Variants in TSPAN14 observed in about 807,000 individuals in gnomAD.
The protein encoded by TSPAN14 is tetraspanin-14.
Under a neutral mutation model 36.6 loss-of-function variants are expected in TSPAN14, and 16 were observed. That is an observed-to-expected ratio of 0.44 (90% CI 0.30 to 0.66). The LOEUF is 0.66. Among genes scored for constraint, TSPAN14 ranks in the 30% least tolerant of loss-of-function variants. The probability of loss-of-function intolerance (pLI) is 0.12; values close to 1 mark genes in which losing one functional copy is unlikely to be tolerated. For synonymous variants in TSPAN14, 139 were observed against 143.8 expected, an observed-to-expected ratio of 0.97 and a Z score of 0.24; for missense variants, 231 against 355.1, an observed-to-expected ratio of 0.65 and a Z score of 2.81.
chr10:80,482,804 C>T (rs1233835329), intron 1 of TSPAN14, among the ~76,000 whole-genome samples: 2 of 144,436 alleles, frequency 1.4e-5, no homozygotes, highest in African/African-American at 2.6e-5. Flanking sequence ...GGCACGATCT[C>T]GGCTCACTGC....
chr10:80,508,346 C>T (rs897315432), intron 4 of TSPAN14, among the ~76,000 whole-genome samples: 3 of 152,172 alleles, frequency 2.0e-5, no homozygotes, highest in African/African-American at 7.2e-5. Flanking sequence ...TCTCCATCTC[C>T]TGACCTTGTG....
chr10:80,472,422 C>G (rs144727353), intron 1 of TSPAN14, among the ~76,000 whole-genome samples: 1 of 152,148 alleles, frequency 6.6e-6, no homozygotes, highest in African/African-American at 2.4e-5. Flanking sequence ...TGACAATGAT[C>G]GCTTGCTTAT....
chr10:80,522,597 A>T (rs548377342), exon 9 of TSPAN14: 1 of 152,338 alleles, frequency 6.6e-6, no homozygotes, highest in African/African-American at 2.4e-5. Context: ...TAAAAAGTAC[A>T]CTTAAATAAA....
chr10:80,476,218 TA>T (rs754540464), intron 1 of TSPAN14, among the ~76,000 whole-genome samples: 2 of 151,688 alleles, frequency 1.3e-5, no homozygotes, highest in Non-Finnish European at 2.9e-5. Flanking sequence ...AAAAAAAATT[TA>T]AAAATCAGTT....
At chr10:80,519,442 T>G (rs1325971137) in exon 9 of TSPAN14, 1 of 152,682 alleles carries the variant, frequency 6.5e-6, no homozygotes, top group Non-Finnish European at 1.5e-5. Context: ...CGTTCAGGGA[T>G]GGACTGCAAC....
At chr10:80,455,099 C>T (rs565770272) in intron 1 of TSPAN14, among the ~76,000 whole-genome samples, 25 of 152,246 alleles carry the variant, frequency 1.6e-4, no homozygotes, top group African/African-American at 5.8e-4. Context: ...TTGTCCCGGG[C>T]CGCTGCTGCT....
exon 9 of TSPAN14, chr10:80,519,355 TC>T (rs1382526612): frequency 6.5e-6 from 1 of 152,680 alleles, no homozygotes; most frequent in African/African-American, 2.4e-5. Flanking sequence ...ACTGAATAAC[TC>T]CCCTGGGGAT....
intron 1 of TSPAN14, among the ~76,000 whole-genome samples, chr10:80,465,305 G>C (rs1422732820): frequency 1.3e-5 from 2 of 152,134 alleles, no homozygotes; most frequent in Non-Finnish European, 2.9e-5. Context: ...CGTTCCTCAC[G>C]CGAGCACTCA....
intron 1 of TSPAN14, among the ~76,000 whole-genome samples, chr10:80,478,164 C>T (rs1003289118): frequency 2.0e-5 from 3 of 151,970 alleles, no homozygotes; most frequent in Non-Finnish European, 4.4e-5. Flanking sequence ...GAAAAAAATT[C>T]TTGTATCCAT....
At chr10:80,465,731 A>G (rs1484878422) in intron 1 of TSPAN14, among the ~76,000 whole-genome samples, 1 of 152,218 alleles carries the variant, frequency 6.6e-6, no homozygotes, top group East Asian at 1.9e-4. Context: ...TCTCAGGCAC[A>G]AAGGATGCTC....
At chr10:80,462,996 C>T (rs978665254) in intron 1 of TSPAN14, 3 of 152,178 alleles carry the variant, frequency 2.0e-5, no homozygotes, top group African/African-American at 4.8e-5. Context: ...ACAGATTTAT[C>T]ATGAAGTGGG....
intron 2 of TSPAN14, among the ~76,000 whole-genome samples, chr10:80,494,126 T>C (rs1290139568): frequency 2.0e-5 from 3 of 152,212 alleles, no homozygotes; most frequent in African/African-American, 7.2e-5. Context: ...TGCTTGCCTT[T>C]AGTTTAAAAA....
chr10:80,513,953 C>T (rs978123041), intron 6 of TSPAN14, 66 bp from the exon 7 acceptor site: 3 of 1,423,382 alleles, frequency 2.1e-6, no homozygotes, highest in Non-Finnish European at 3.0e-6. Context: ...TGTGACTTTA[C>T]TAGAGCCTCT....
At chr10:80,480,394 T>C (rs1183480424) in intron 1 of TSPAN14, among the ~76,000 whole-genome samples, 1 of 152,178 alleles carries the variant, frequency 6.6e-6, no homozygotes, top group Non-Finnish European at 1.5e-5. Flanking sequence ...GATCTAGAAC[T>C]AGAAATACCA....
At chr10:80,484,813 G>A (rs1222036466) in intron 1 of TSPAN14, among the ~76,000 whole-genome samples, 1 of 152,174 alleles carries the variant, frequency 6.6e-6, no homozygotes. Context: ...TGCCTCAAAA[G>A]TTGAAGGTGG....
intron 1 of TSPAN14, among the ~76,000 whole-genome samples, chr10:80,465,139 T>G (rs907615300): frequency 6.6e-6 from 1 of 152,124 alleles, no homozygotes; most frequent in Non-Finnish European, 1.5e-5. Flanking sequence ...GGTGCCAGGC[T>G]TGTCGGCCAC....
intron 1 of TSPAN14, among the ~76,000 whole-genome samples, chr10:80,478,862 G>T (rs1267753442): frequency 6.6e-6 from 1 of 152,194 alleles, no homozygotes; most frequent in Non-Finnish European, 1.5e-5. Context: ...TCTCCATTAA[G>T]AATATAAAAA....
chr10:80,461,526 G>A (rs1845966855), intron 1 of TSPAN14, among the ~76,000 whole-genome samples: 1 of 152,170 alleles, frequency 6.6e-6, no homozygotes, highest in South Asian at 2.1e-4. Flanking sequence ...GGTAGTGGTG[G>A]GGGATTCATT....
chr10:80,468,761 C>T (rs995655724), intron 1 of TSPAN14: 3 of 145,572 alleles, frequency 2.1e-5, no homozygotes, highest in Admixed American at 7.0e-5. Context: ...TGACTGTGCG[C>T]TCAGTGGTAC....
Sources: allele counts gnomAD v4.1 joint callset (sites outside exome capture counted in the v4.1 genomes callset), GRCh38; gene constraint gnomAD v4.1.1; transcripts MANE v1.5; gene names NCBI Gene and HGNC (gene_info 2026-07-23, HGNC 2026-07-21).